The following DPP10 variants were observed in gnomAD, a reference collection of about 807,000 sequenced individuals.
The protein encoded by DPP10 is inactive dipeptidyl peptidase 10.
In DPP10, 33 loss-of-function variants were observed where a neutral mutation model predicts 120.9. The observed-to-expected ratio is 0.27, with a 90% confidence interval of 0.21 to 0.37. The LOEUF (loss-of-function observed/expected upper bound fraction) is 0.37, where lower values mean the gene tolerates loss of function less well. DPP10 is among the 10% of genes least tolerant of loss of function. DPP10 has a pLI of 1.00. For synonymous variants in DPP10, 337 were observed against 326.1 expected, an observed-to-expected ratio of 1.03 and a Z score of -0.36; for missense variants, 816 against 942.8, an observed-to-expected ratio of 0.87 and a Z score of 1.76.
chr2:114,874,381 A>G (rs1211037748), intron 1 of DPP10, among the ~76,000 whole-genome samples: 2 of 152,172 alleles, frequency 1.3e-5, no homozygotes, highest in East Asian at 1.9e-4. Context: ...TGACAAAAGC[A>G]TCCAAAAGCC....
intron 3 of DPP10, among the ~76,000 whole-genome samples, chr2:115,360,593 CAG>C (rs924129315): frequency 1.2e-4 from 18 of 152,228 alleles, no homozygotes; most frequent in Admixed American, 7.8e-4. Context: ...TGGGGGGAAT[CAG>C]GGGATGACTC....
At chr2:115,198,495 C>T (rs1338957269) in intron 1 of DPP10, among the ~76,000 whole-genome samples, 1 of 152,190 alleles carries the variant, frequency 6.6e-6, no homozygotes, top group African/African-American at 2.4e-5. Flanking sequence ...CTCCAGATTC[C>T]TCCAGTTCAG....
intron 1 of DPP10, among the ~76,000 whole-genome samples, chr2:114,673,905 G>T (rs573767184): frequency 6.6e-6 from 1 of 151,690 alleles, no homozygotes; most frequent in East Asian, 1.9e-4. Flanking sequence ...ATGGATACTC[G>T]AACCTGAATT....
chr2:115,790,767 A>G (rs1683881337), intron 17 of DPP10, among the ~76,000 whole-genome samples: 1 of 152,134 alleles, frequency 6.6e-6, no homozygotes, highest in Non-Finnish European at 1.5e-5. Flanking sequence ...GTACCTAGGT[A>G]TTGTGAATCG....
intron 1 of DPP10, among the ~76,000 whole-genome samples, chr2:114,474,951 C>A (rs984910380): frequency 6.6e-6 from 1 of 152,188 alleles, no homozygotes; most frequent in Non-Finnish European, 1.5e-5. Flanking sequence ...AACCTGGAGG[C>A]CTTGCCATGC....
At position 115,840,787 on chromosome 2, in the gene DPP10, G is replaced by T. The variant is rs768171580; in HGVS notation, c.2220G>T (p.Lys740Asn). Residue 740 changes from lysine (K) to asparagine (N), a missense_variant, in exon 25 of 26, where the codon AAG (lysine) becomes AAT (asparagine). Transcript: ENST00000410059. ...TCCAACACTCAGCAGAATTAATCAA[G>T]CACCTAATAAAAGCTGGAGTGAATT... ...VHFQHSAELI[K>N]HLIKAGVNYT... 1 of 1,613,576 alleles carries T rather than the reference G, an allele frequency of 6.2e-7. No individual in the cohort carries two copies. The highest frequency in any genetic ancestry group is 2.2e-5 in the East Asian group (1 of 44,782).
chr2:115,604,208 G>A (rs1234613961), intron 5 of DPP10, among the ~76,000 whole-genome samples: 1 of 151,966 alleles, frequency 6.6e-6, no homozygotes. Flanking sequence ...GTTAAGTTGG[G>A]TGATGACAGT....
chr2:114,977,173 T>C (rs1699805977), intron 1 of DPP10, among the ~76,000 whole-genome samples: 1 of 152,240 alleles, frequency 6.6e-6, no homozygotes, highest in Admixed American at 6.5e-5. Flanking sequence ...ATATTAAATA[T>C]GTTTACATCT....
chr2:115,742,798 C>G (rs186863104), intron 9 of DPP10, among the ~76,000 whole-genome samples: 65 of 152,172 alleles, frequency 4.3e-4, no homozygotes, highest in Middle Eastern at 3.4e-3. Flanking sequence ...AGAGTTTATA[C>G]TAAATTGTGC....
At position 114,921,979 on chromosome 2, in the gene DPP10, T is replaced by C. The variant is rs149784025; in HGVS notation, c.61-387260T>C. Among the ~76,000 whole-genome samples the C allele has an allele frequency of 3.9e-5, 6 of 152,366 alleles. No homozygotes were observed. In the East Asian group the frequency reaches 1.2e-3, roughly 29 times the overall value. ...TTTTTGAGGTTTAATGCCTTTATCA[T>C]AATATTATGTCATCTATTTTGCAAA... is the stretch of plus-strand genomic sequence containing the variant. On this transcript the variant is annotated intron_variant, in intron 1 of 25. Coordinates refer to ENST00000410059, the MANE Select transcript of DPP10 (RefSeq NM_020868.6).
chr2:114,670,238 C>T (rs966010996), intron 1 of DPP10, among the ~76,000 whole-genome samples: 1 of 152,052 alleles, frequency 6.6e-6, no homozygotes, highest in Admixed American at 6.5e-5. Context: ...TATTGTGGCA[C>T]TATTCACAAT....
chr2:115,186,288 C>A (rs560950940), intron 1 of DPP10, among the ~76,000 whole-genome samples: 33 of 152,292 alleles, frequency 2.2e-4, no homozygotes, highest in African/African-American at 7.2e-4. Context: ...GGAGTATATT[C>A]TTTATGCTTG....
chr2:115,210,464 A>G (rs1288701973), intron 1 of DPP10, among the ~76,000 whole-genome samples: 6 of 152,148 alleles, frequency 3.9e-5, no homozygotes, highest in Non-Finnish European at 7.3e-5. Context: ...TATTGTGAAT[A>G]GTGCCGCAAT....
In DPP10 at chr2:115,842,465, C is replaced by G. The variant is rs1690252953; in HGVS notation, c.*120C>G. ...GCAGCTTACGGAGATGTCACTGGAG[C>G]AGCACGCTCAGAGACAGTGAACTAG... is the stretch of plus-strand genomic sequence containing the variant. On this transcript the variant is annotated 3_prime_UTR_variant, in exon 26 of 26. Transcript: ENST00000410059. 11 of 1,185,152 alleles carry G rather than the reference C, an allele frequency of 9.3e-6. No individual in the cohort carries two copies. The highest frequency in any genetic ancestry group is 1.8e-5 in the South Asian group (1 of 56,574). The allele number at this position is 1,185,152 out of a possible 1,614,324, so 73.4% of individuals were successfully genotyped here.
intron 1 of DPP10, among the ~76,000 whole-genome samples, chr2:114,510,907 T>C (rs1468304879): frequency 6.6e-6 from 1 of 152,226 alleles, no homozygotes; most frequent in Non-Finnish European, 1.5e-5. Flanking sequence ...TTTGTAGTTA[T>C]TAATTTAAAT....
At chr2:115,105,644 C>T (rs763473936) in intron 1 of DPP10, among the ~76,000 whole-genome samples, 4 of 152,032 alleles carry the variant, frequency 2.6e-5, no homozygotes, top group Non-Finnish European at 5.9e-5. Flanking sequence ...TTGGAGGGGA[C>T]AAATACCAAA....
At chr2:114,726,287 T>C (rs146501055) in intron 1 of DPP10, among the ~76,000 whole-genome samples, 1 of 150,496 alleles carries the variant, frequency 6.6e-6, no homozygotes, top group Non-Finnish European at 1.5e-5. Flanking sequence ...AGAGCTAAAC[T>C]AGCCAGCCAT....
chr2:115,345,359 A>C (rs2063660365), intron 3 of DPP10, among the ~76,000 whole-genome samples: 1 of 152,206 alleles, frequency 6.6e-6, no homozygotes, highest in Non-Finnish European at 1.5e-5. Context: ...AGGCTAATAA[A>C]AAAGATATAT....
At chr2:115,377,061 A>C (rs902195010) in intron 3 of DPP10, among the ~76,000 whole-genome samples, 4 of 151,694 alleles carry the variant, frequency 2.6e-5, no homozygotes, top group African/African-American at 7.3e-5. Context: ...CTTTGGGTAT[A>C]TACCCAGTAA....
Sources: allele counts gnomAD v4.1 joint callset (sites outside exome capture counted in the v4.1 genomes callset), GRCh38; gene constraint gnomAD v4.1.1; transcripts MANE v1.5; gene names NCBI Gene and HGNC (gene_info 2026-07-23, HGNC 2026-07-21).